The following TBC1D22A variants were observed in gnomAD, a reference collection of about 807,000 sequenced individuals.
The protein encoded by TBC1D22A is putative GTPase activator.
A neutral mutation model predicts 60.2 loss-of-function variants in TBC1D22A; 38 were observed. The observed-to-expected ratio is 0.63, with a 90% CI of 0.49 to 0.83. TBC1D22A has a LOEUF of 0.83. Ranked by LOEUF, TBC1D22A falls within the 40% of genes least tolerant of loss-of-function variation. TBC1D22A has a pLI of 0.00. For missense variants in TBC1D22A, 628 were observed against 701.0 expected (o/e 0.90, Z 1.18); for synonymous variants, 302 against 281.7 (o/e 1.07, Z -0.72).
chr22:46,997,531 T>C (rs2148234044), intron 9 of TBC1D22A, 103 bp from the exon 10 acceptor site: 1 of 847,094 alleles, frequency 1.2e-6, no homozygotes, highest in East Asian at 2.5e-5. Flanking sequence ...TGTGAATTCG[T>C]CCTATTATAA....
chr22:46,891,379 G>A lies in TBC1D22A; in HGVS notation c.822G>A (p.Gln274=). ...ATTCTAGGAACGACGAAGTTCACCA[G>A]GACACATACAGGCAGGTGGGAATCC... ...YYDSRNDEVH[Q]DTYRQIHIDI... Residue 274 remains glutamine (Q), a synonymous_variant, in exon 6 of 13, where the codon CAG becomes CAA. Transcript: ENST00000337137. 1.9e-6 allele frequency: 3 copies of A among 1,610,058 alleles called. No individual in the cohort carries two copies. Among genetic ancestry groups the A allele is most frequent in the Non-Finnish European group, 1.7e-6 (2 of 1,178,826 alleles).
intron 11 of TBC1D22A, among the ~76,000 whole-genome samples, chr22:47,090,495 C>CT (rs1027152336): frequency 2.9e-4 from 44 of 152,350 alleles, no homozygotes; most frequent in African/African-American, 9.9e-4. Flanking sequence ...CATGCATGCC[C>CT]TTTACTGTCC....
chr22:46,949,204 A>T (rs180979004), intron 8 of TBC1D22A, among the ~76,000 whole-genome samples: 171 of 152,300 alleles, frequency 1.1e-3, no homozygotes, highest in African/African-American at 3.9e-3. Flanking sequence ...CTCAAAGAAG[A>T]CGCAACATCA....
rs183535593 is a variant in TBC1D22A, at chr22:47,170,474, T to C, written c.1426-3024T>C. ...TGATGTTGATATGTCCCCAGGGACT[T>C]TTAGCCAGTGAAATTCGCTCCCTGA... On this transcript the variant is annotated intron_variant, in intron 12 of 12. Coordinates refer to ENST00000337137, the MANE Select transcript of TBC1D22A (RefSeq NM_014346.5). 3.4e-4 allele frequency among the ~76,000 whole-genome samples: 52 copies of C among 152,332 alleles called. 2 individuals carry two copies. In the East Asian group the frequency reaches 4.4e-3, roughly 13 times the overall value.
At chr22:46,814,989 A>G (rs577228709) in intron 4 of TBC1D22A, among the ~76,000 whole-genome samples, 1 of 152,244 alleles carries the variant, frequency 6.6e-6, no homozygotes, top group Admixed American at 6.5e-5. Context: ...TTTTCCCATG[A>G]CACTAACTTT....
At chr22:47,077,684 G>A (rs1012315073) in intron 11 of TBC1D22A, among the ~76,000 whole-genome samples, 2 of 152,230 alleles carry the variant, frequency 1.3e-5, no homozygotes, top group African/African-American at 2.4e-5. Context: ...AGAGGCAGTC[G>A]CACTGCAGAG....
At chr22:47,033,838 A>G (rs2062567647) in intron 10 of TBC1D22A, among the ~76,000 whole-genome samples, 1 of 152,128 alleles carries the variant, frequency 6.6e-6, no homozygotes, top group Non-Finnish European at 1.5e-5. Flanking sequence ...TTGCAGGGGA[A>G]GGCAGCGGTG....
At chr22:46,827,191 C>T (rs1240603723) in intron 4 of TBC1D22A, among the ~76,000 whole-genome samples, 1 of 152,200 alleles carries the variant, frequency 6.6e-6, no homozygotes, top group Non-Finnish European at 1.5e-5. Context: ...GGTCCCATGG[C>T]GCCCCCTGCC....
At chr22:46,895,472 C>T (rs1386172320) in intron 7 of TBC1D22A, among the ~76,000 whole-genome samples, 2 of 152,090 alleles carry the variant, frequency 1.3e-5, no homozygotes, top group East Asian at 1.9e-4. Flanking sequence ...CTCCTGGGTT[C>T]GGGTGATTCT....
At position 47,132,250 on chromosome 22, in the gene TBC1D22A, C is replaced by T. The variant is rs576635668; in HGVS notation, c.1425+20647C>T. On this transcript the variant is annotated intron_variant, in intron 12 of 12. Coordinates refer to ENST00000337137, the MANE Select transcript of TBC1D22A (RefSeq NM_014346.5). ...TCTTGGTCGTCAGGCCTGGCGGTTG[C>T]ACCCCATGTTCCTGAGCCCTCTTCT... Among the ~76,000 whole-genome samples the T allele has an allele frequency of 2.6e-5, 4 of 152,308 alleles. No individual in the cohort carries two copies. The South Asian group carries it at 8.3e-4, about 32-fold the overall frequency.
At chr22:46,908,866 A>G (rs2069683022) in intron 7 of TBC1D22A, among the ~76,000 whole-genome samples, 4 of 152,132 alleles carry the variant, frequency 2.6e-5, no homozygotes, top group Admixed American at 2.6e-4. Flanking sequence ...TGCATAGTGC[A>G]TTCCATGTCT....
intron 9 of TBC1D22A, among the ~76,000 whole-genome samples, chr22:46,996,883 CTTGT>C (rs1324158509): frequency 6.6e-6 from 1 of 152,190 alleles, no homozygotes; most frequent in Non-Finnish European, 1.5e-5. Flanking sequence ...CCACATTCCA[CTTGT>C]TTGTTTCCCT....
chr22:47,017,380 G>A (rs2061945507), intron 10 of TBC1D22A, among the ~76,000 whole-genome samples: 1 of 152,166 alleles, frequency 6.6e-6, no homozygotes, highest in Non-Finnish European at 1.5e-5. Flanking sequence ...GTGAGGGGTC[G>A]CCTTCTTCTC....
At chr22:46,911,177 A>G (rs766186113) in intron 7 of TBC1D22A, among the ~76,000 whole-genome samples, 5 of 152,092 alleles carry the variant, frequency 3.3e-5, no homozygotes, top group Non-Finnish European at 7.4e-5. Context: ...GTAGGTGGGA[A>G]TAAGAGGTGG....
At chr22:47,052,999 G>T (rs2148448789) in intron 11 of TBC1D22A, among the ~76,000 whole-genome samples, 1 of 152,330 alleles carries the variant, frequency 6.6e-6, no homozygotes, top group Non-Finnish European at 1.5e-5. Flanking sequence ...CTGCACACTG[G>T]CCTCCCTCTT....
At chr22:46,946,820 G>A (rs935157684) in intron 8 of TBC1D22A, among the ~76,000 whole-genome samples, 1 of 152,156 alleles carries the variant, frequency 6.6e-6, no homozygotes, top group Non-Finnish European at 1.5e-5. Context: ...ATTAGGAAGT[G>A]CATTCTGAGC....
intron 3 of TBC1D22A, among the ~76,000 whole-genome samples, chr22:46,795,092 G>A (rs1392235845): frequency 1.3e-5 from 2 of 152,204 alleles, no homozygotes; most frequent in Non-Finnish European, 2.9e-5. Context: ...TTTTCTTTTT[G>A]GAGTGTAATA....
intron 9 of TBC1D22A, among the ~76,000 whole-genome samples, chr22:46,994,207 T>C (rs892822532): frequency 1.5e-4 from 23 of 152,226 alleles, no homozygotes; most frequent in African/African-American, 5.5e-4. Context: ...CTGTGCCAGA[T>C]GGAGGCAAAG....
chr22:47,142,848 T>TCATCCACCCATCCATC (rs559635709), intron 12 of TBC1D22A, among the ~76,000 whole-genome samples: 129 of 96,554 alleles, frequency 1.3e-3, no homozygotes, highest in Middle Eastern at 7.6e-3. Context: ...ACCCATCCAT[T>TCATCCACCCATCCATC]CATCCACCCA....
Sources: gnomAD v4.1 joint callset for allele counts (sites outside exome capture counted in the v4.1 genomes callset) on GRCh38, gnomAD v4.1.1 for gene constraint, MANE v1.5 for transcripts, NCBI Gene and HGNC (gene_info 2026-07-23, HGNC 2026-07-21) for gene names.